Variants in CPEB3 observed in about 807,000 individuals in gnomAD.
CPEB3 encodes cytoplasmic polyadenylation element-binding protein 3.
A neutral mutation model predicts 67.2 loss-of-function variants in CPEB3; 20 were observed. The observed-to-expected ratio is 0.30, with a 90% CI of 0.21 to 0.43. The LOEUF is 0.43. Ranked by LOEUF, CPEB3 falls within the 20% of genes least tolerant of loss-of-function variation. CPEB3 has a pLI of 1.00. For synonymous variants in CPEB3, 376 were observed against 393.1 expected (o/e 0.96, Z 0.51); for missense variants, 746 against 968.6 (o/e 0.77, Z 3.05).
intron 1 of CPEB3, among the ~76,000 whole-genome samples, chr10:92,266,772 G>A (rs560764703): frequency 3.7e-4 from 57 of 152,264 alleles, no homozygotes; most frequent in African/African-American, 1.3e-3. Context: ...GGTGGCTCAC[G>A]CCTGTAATCC....
intron 1 of CPEB3, among the ~76,000 whole-genome samples, chr10:92,245,216 C>T (rs1434379522): frequency 6.9e-6 from 1 of 145,386 alleles, no homozygotes; most frequent in East Asian, 2.0e-4. Context: ...CGGCTCACTG[C>T]AACCTCCACC....
intron 2 of CPEB3, among the ~76,000 whole-genome samples, chr10:92,197,126 G>A (rs982794417): frequency 1.3e-5 from 2 of 152,026 alleles, no homozygotes; most frequent in East Asian, 1.9e-4. Context: ...AACCTAACAG[G>A]GTTCACTTAA....
chr10:92,249,710 T>C (rs993096251), intron 1 of CPEB3, among the ~76,000 whole-genome samples: 24 of 151,122 alleles, frequency 1.6e-4, no homozygotes, highest in Admixed American at 1.6e-3. Context: ...AAAAAGTTTA[T>C]AGAATAAGGG....
chr10:92,111,034 T>C (rs1844713524), intron 7 of CPEB3, 42 bp downstream of exon 7: 1 of 1,280,912 alleles, frequency 7.8e-7, no homozygotes, highest in South Asian at 1.2e-5. Context: ...TCCAATAGCA[T>C]ATGTGCTCTG....
chr10:92,287,759 T>C (rs940103930), intron 1 of CPEB3, among the ~76,000 whole-genome samples: 1 of 152,202 alleles, frequency 6.6e-6, no homozygotes, highest in African/African-American at 2.4e-5. Context: ...ATTACCATAA[T>C]CTAATTTTAT....
At chr10:92,276,014 A>C (rs1471961952) in intron 1 of CPEB3, among the ~76,000 whole-genome samples, 2 of 151,140 alleles carry the variant, frequency 1.3e-5, no homozygotes, top group Non-Finnish European at 3.0e-5. Flanking sequence ...ATGCCTGCCT[A>C]ATTTTTTGTA....
At chr10:92,265,336 G>GTGTT (rs1260213210) in intron 1 of CPEB3, among the ~76,000 whole-genome samples, 8 of 152,208 alleles carry the variant, frequency 5.3e-5, no homozygotes, top group Non-Finnish European at 8.8e-5. Context: ...GCTCCTCTTA[G>GTGTT]TGTTCCAGAG....
chr10:92,103,534 A>C (rs1274581915), intron 7 of CPEB3, among the ~76,000 whole-genome samples: 1 of 152,246 alleles, frequency 6.6e-6, no homozygotes, highest in Non-Finnish European at 1.5e-5. Context: ...TTGTGTGCCT[A>C]CAAGGCTCCC....
intron 2 of CPEB3, among the ~76,000 whole-genome samples, chr10:92,209,384 G>T (rs1849956156): frequency 6.6e-6 from 1 of 152,146 alleles, no homozygotes; most frequent in Non-Finnish European, 1.5e-5. Context: ...AATTAGCTGG[G>T]CGTGGTGGCA....
At chr10:92,259,874 A>G (rs1348903378) in intron 1 of CPEB3, among the ~76,000 whole-genome samples, 1 of 152,226 alleles carries the variant, frequency 6.6e-6, no homozygotes. Context: ...CATTTAACCC[A>G]TACAATAAAT....
At chr10:92,285,947 CTT>C (rs11380868) in intron 1 of CPEB3, among the ~76,000 whole-genome samples, 6 of 142,678 alleles carry the variant, frequency 4.2e-5, no homozygotes, top group Admixed American at 1.4e-4. Context: ...TTGCTTTTTT[CTT>C]TTTTTTTTTT....
At chr10:92,075,358 G>T (rs1407331669) in intron 9 of CPEB3, among the ~76,000 whole-genome samples, 1 of 152,178 alleles carries the variant, frequency 6.6e-6, no homozygotes, top group African/African-American at 2.4e-5. Context: ...TTATTATGCA[G>T]TTGATCTTAT....
chr10:92,081,560 G>T, intron 8 of CPEB3, 59 bp from the exon 9 acceptor site: 1 of 1,418,924 alleles, frequency 7.0e-7, no homozygotes, highest in Non-Finnish European at 9.7e-7. Context: ...CTCTTGCCCA[G>T]GAGAAGGAAG....
At chr10:92,205,787 A>C (rs1389372515) in intron 2 of CPEB3, among the ~76,000 whole-genome samples, 1 of 151,900 alleles carries the variant, frequency 6.6e-6, no homozygotes, top group Non-Finnish European at 1.5e-5. Flanking sequence ...AAATTCAGTT[A>C]ATACAAATCA....
At chr10:92,079,715 C>T (rs933628043) in intron 9 of CPEB3, among the ~76,000 whole-genome samples, 1 of 152,072 alleles carries the variant, frequency 6.6e-6, no homozygotes, top group African/African-American at 2.4e-5. Context: ...AAATCCATCA[C>T]CAGTTAAAAT....
intron 4 of CPEB3, among the ~76,000 whole-genome samples, chr10:92,149,265 T>C (rs889845716): frequency 6.6e-6 from 1 of 152,220 alleles, no homozygotes; most frequent in Non-Finnish European, 1.5e-5. Flanking sequence ...ACATAATCCA[T>C]CTTCTGTCCT....
chr10:92,142,985 A>C lies in CPEB3; in HGVS notation c.1453+44T>G, dbSNP rs1229033099. The C allele has an allele frequency of 5.0e-6, 7 of 1,395,082 alleles. No individual in the cohort carries two copies. In the East Asian group the frequency reaches 9.2e-5, roughly 18 times the overall value. 86.4% of individuals were successfully genotyped at this position (1,395,082 alleles called of 1,614,324 possible). A position where few individuals can be genotyped will look rare whatever the true frequency, so the allele number is the denominator to read the frequency against. ...CTGCCTTTTATTGAACTGTCATGCT[A>C]TCTCTCCAACAGGCAAGCAGTGGAA... On this transcript the variant is annotated intron_variant, in intron 6 of 9. Coordinates refer to ENST00000265997, the MANE Select transcript of CPEB3 (RefSeq NM_014912.5).
At chr10:92,088,604 T>G (rs967338962) in intron 8 of CPEB3, among the ~76,000 whole-genome samples, 2 of 151,950 alleles carry the variant, frequency 1.3e-5, no homozygotes, top group Admixed American at 1.3e-4. Context: ...TTGGTCCTTG[T>G]CTTACAATGA....
At chr10:92,261,448 T>C (rs1590564317) in intron 1 of CPEB3, among the ~76,000 whole-genome samples, 1 of 152,082 alleles carries the variant, frequency 6.6e-6, no homozygotes, top group Non-Finnish European at 1.5e-5. Context: ...TGTTTTGTTT[T>C]GTTTTGTTTT....
Sources: allele counts gnomAD v4.1 joint callset (sites outside exome capture counted in the v4.1 genomes callset), GRCh38; gene constraint gnomAD v4.1.1; transcripts MANE v1.5; gene names NCBI Gene and HGNC (gene_info 2026-07-23, HGNC 2026-07-21).